Variants in TCF12 observed in about 807,000 individuals in gnomAD.
TCF12 encodes the protein transcription factor 12.
A neutral mutation model predicts 86.0 loss-of-function variants in TCF12; 45 were observed. The observed-to-expected ratio is 0.52, with a 90% CI of 0.41 to 0.67. The LOEUF (loss-of-function observed/expected upper bound fraction) is 0.67, where lower values mean the gene tolerates loss of function less well. Among genes scored for constraint, TCF12 ranks in the 30% least tolerant of loss-of-function variants. The probability of loss-of-function intolerance (pLI) is 0.00; values close to 1 mark genes in which losing one functional copy is unlikely to be tolerated. For synonymous variants in TCF12, 330 were observed against 299.6 expected (o/e 1.10, Z -1.05); for missense variants, 881 against 859.9 (o/e 1.02, Z -0.31).
At chr15:57,146,233 G>C (rs2053353261) in intron 5 of TCF12, among the ~76,000 whole-genome samples, 1 of 151,938 alleles carries the variant, frequency 6.6e-6, no homozygotes, top group African/African-American at 2.4e-5. Flanking sequence ...AGCATAAAGT[G>C]GTTACACAGG....
intron 3 of TCF12, among the ~76,000 whole-genome samples, chr15:56,953,869 T>C (rs2061387504): frequency 6.6e-6 from 1 of 150,860 alleles, no homozygotes; most frequent in Non-Finnish European, 1.5e-5. Context: ...AGCTTTTGAG[T>C]TCCTTGGCCT....
chr15:57,092,102 C>A, intron 5 of TCF12: 1 of 408,404 alleles, frequency 2.4e-6, no homozygotes, highest in Non-Finnish European at 4.4e-6. Context: ...GTTTTGGTGT[C>A]AAAAAAAGAA....
In TCF12 at chr15:56,919,955, C is replaced by T. The variant is rs141492611; in HGVS notation, c.42C>T (p.Asp14=). The T allele has an allele frequency of 3.1e-6, 5 of 1,614,108 alleles. No individual in the cohort carries two copies. In the East Asian group the frequency reaches 8.9e-5, roughly 29 times the overall value. ...AACGCATGGCCGCTATAGGGACCGA[C>T]AAGGAGCTGAGCGACCTACTGGACT... is the stretch of plus-strand genomic sequence containing the variant. ...QQQRMAAIGT[D]KELSDLLDFS... is the part of the protein sequence containing the mutation. Residue 14 remains aspartate (D), a synonymous_variant, in exon 2 of 21, where the codon GAC becomes GAT. Transcript: ENST00000333725.
intron 5 of TCF12, among the ~76,000 whole-genome samples, chr15:57,134,887 G>GT (rs11298596): frequency 0.028 from 4,023 of 141,264 alleles, 72 homozygotes; most frequent in Non-Finnish European, 0.041. Flanking sequence ...GGGTTTTTGT[G>GT]TTTTTTTTTT....
chr15:57,236,075 T>C (rs959300451), intron 12 of TCF12, among the ~76,000 whole-genome samples: 2 of 152,176 alleles, frequency 1.3e-5, no homozygotes, highest in Non-Finnish European at 2.9e-5. Flanking sequence ...TCATCCTGTG[T>C]TGTTACTAGG....
intron 3 of TCF12, among the ~76,000 whole-genome samples, chr15:56,950,777 TTAGAG>T: frequency 1.0e-5 from 1 of 99,814 alleles, no homozygotes; most frequent in East Asian, 2.8e-4. Context: ...TTTTTTTAAG[TTAGAG>T]TTTTGCTCTT....
chr15:57,001,563 T>C (rs2064037517), intron 3 of TCF12, among the ~76,000 whole-genome samples: 1 of 152,212 alleles, frequency 6.6e-6, no homozygotes, highest in Admixed American at 6.5e-5. Context: ...TTAGTTTCTT[T>C]TCATTTAAAA....
chr15:56,988,190 T>C (rs1456588144), intron 3 of TCF12, among the ~76,000 whole-genome samples: 3 of 152,218 alleles, frequency 2.0e-5, no homozygotes, highest in Non-Finnish European at 4.4e-5. Flanking sequence ...TAGTCATGTG[T>C]CACTTGACAG....
chr15:57,255,544 C>T (rs1489502591), intron 16 of TCF12, among the ~76,000 whole-genome samples: 15 of 152,060 alleles, frequency 9.9e-5, no homozygotes, highest in African/African-American at 3.1e-4. Flanking sequence ...AGTGCAGTGC[C>T]GTGATCTCGG....
chr15:57,147,872 G>A (rs1467377138), intron 5 of TCF12, among the ~76,000 whole-genome samples: 2 of 148,604 alleles, frequency 1.3e-5, no homozygotes, highest in African/African-American at 5.1e-5. Flanking sequence ...TCTCTGCAAG[G>A]GAAACTAGAC....
intron 3 of TCF12, among the ~76,000 whole-genome samples, chr15:57,035,839 C>T (rs910737733): frequency 6.6e-6 from 1 of 152,092 alleles, no homozygotes; most frequent in African/African-American, 2.4e-5. Flanking sequence ...CTGGGAAACC[C>T]CGTTGCACCG....
intron 5 of TCF12, among the ~76,000 whole-genome samples, chr15:57,147,705 T>C (rs1352286938): frequency 6.6e-6 from 1 of 152,116 alleles, no homozygotes; most frequent in African/African-American, 2.4e-5. Flanking sequence ...AGTTATCACA[T>C]ATGTGATAAT....
chr15:57,169,807 C>T (rs2055178761), intron 6 of TCF12, among the ~76,000 whole-genome samples: 2 of 152,200 alleles, frequency 1.3e-5, no homozygotes, highest in East Asian at 1.9e-4. Context: ...CGTATTTATA[C>T]CCTCTTGGCA....
At chr15:57,283,931 T>G (rs2061816022) in intron 20 of TCF12, among the ~76,000 whole-genome samples, 2 of 152,122 alleles carry the variant, frequency 1.3e-5, no homozygotes, top group African/African-American at 2.4e-5. Flanking sequence ...AAAGAAGAGT[T>G]AAGGCAGTTA....
intron 3 of TCF12, among the ~76,000 whole-genome samples, chr15:56,960,695 A>G (rs1390994680): frequency 6.6e-6 from 1 of 151,580 alleles, no homozygotes; most frequent in Non-Finnish European, 1.5e-5. Context: ...TTTCCAAAGT[A>G]TTGGGATTAC....
chr15:56,962,623 G>C (rs1257210159), intron 3 of TCF12, among the ~76,000 whole-genome samples: 1 of 152,132 alleles, frequency 6.6e-6, no homozygotes, highest in Non-Finnish European at 1.5e-5. Context: ...TCAAATAAGA[G>C]AAAATGCTTC....
intron 3 of TCF12, among the ~76,000 whole-genome samples, chr15:56,964,692 G>A (rs1196425397): frequency 6.6e-6 from 1 of 152,086 alleles, no homozygotes; most frequent in Non-Finnish European, 1.5e-5. Context: ...TTTATGTGTT[G>A]TGTGTTGAAC....
intron 3 of TCF12, among the ~76,000 whole-genome samples, chr15:56,971,339 A>G (rs2062306365): frequency 6.6e-6 from 1 of 152,020 alleles, no homozygotes; most frequent in Non-Finnish European, 1.5e-5. Context: ...GAGATAGAGA[A>G]TCGCTTGAAC....
chr15:57,135,091 A>G (rs1159983031), intron 5 of TCF12, among the ~76,000 whole-genome samples: 1 of 152,186 alleles, frequency 6.6e-6, no homozygotes, highest in Non-Finnish European at 1.5e-5. Context: ...ATATGGCTCA[A>G]CATGGAACAT....
Sources: allele counts gnomAD v4.1 joint callset (sites outside exome capture counted in the v4.1 genomes callset), GRCh38; gene constraint gnomAD v4.1.1; transcripts MANE v1.5; gene names NCBI Gene and HGNC (gene_info 2026-07-23, HGNC 2026-07-21).